The following ANAPC2 variants were observed in gnomAD, a reference collection of about 807,000 sequenced individuals.
The protein encoded by ANAPC2 is anaphase-promoting complex subunit 2.
ANAPC2 carries 29 observed loss-of-function variants against 84.3 expected under a neutral mutation model. That is an observed-to-expected ratio of 0.34 (90% CI 0.26 to 0.47). ANAPC2 has a LOEUF of 0.47. Ranked by LOEUF, ANAPC2 falls within the 20% of genes least tolerant of loss-of-function variation. The probability of loss-of-function intolerance (pLI) is 1.00; values close to 1 mark genes in which losing one functional copy is unlikely to be tolerated. For synonymous variants in ANAPC2, 571 were observed against 479.4 expected, an observed-to-expected ratio of 1.19 and a Z score of -2.50; for missense variants, 857 against 1,131.7, an observed-to-expected ratio of 0.76 and a Z score of 3.48.
At chr9:137,176,352 A>T (rs1044145153) in intron 10 of ANAPC2, 1 of 152,472 alleles carries the variant, frequency 6.6e-6, no homozygotes, top group Non-Finnish European at 1.5e-5. Flanking sequence ...CAGTACTTTC[A>T]TCTTGGACTT....
intron 3 of ANAPC2, among the ~76,000 whole-genome samples, chr9:137,185,995 G>C (rs1204748106): frequency 1.3e-5 from 2 of 152,206 alleles, no homozygotes; most frequent in African/African-American, 4.8e-5. Context: ...ACCGCCTGCA[G>C]CCATGGGATT....
chr9:137,179,374 C>T (rs939129003), intron 10 of ANAPC2, among the ~76,000 whole-genome samples: 5 of 152,028 alleles, frequency 3.3e-5, no homozygotes, highest in African/African-American at 1.2e-4. Flanking sequence ...CCACCTGTGA[C>T]GACCATCCTA....
At chr9:137,175,611 G>A (rs950110288) in intron 11 of ANAPC2, 97 bp downstream of exon 11, 55 of 1,509,194 alleles carry the variant, frequency 3.6e-5, no homozygotes, top group African/African-American at 9.7e-5. Flanking sequence ...GCCTGCTGGC[G>A]CAGCTGCCCC....
At chr9:137,183,004 A>C in intron 6 of ANAPC2, 121 bp downstream of exon 6, 1 of 779,102 alleles carries the variant, frequency 1.3e-6, no homozygotes, top group South Asian at 1.6e-5. Context: ...CACTCAGCCC[A>C]GCCGGGGGAG....
In ANAPC2 at chr9:137,175,246, C is replaced by G; in HGVS notation, c.2247G>C (p.Glu749Asp). Residue 749 changes from glutamate (E) to aspartate (D), a missense_variant, in exon 12 of 13, where the codon GAG (glutamate) becomes GAC (aspartate). Coordinates refer to ENST00000323927, the MANE Select transcript of ANAPC2 (RefSeq NM_013366.4). ...GGGCCTGCACGCGCACCAGCAGCTC[C>G]TCCTCCTTCTGGTCGGCCTGGGAGG... ...GMASQADQKEEELLLFWTYIQ... is the reference protein window; with the variant it reads ...GMASQADQKEDELLLFWTYIQ... 1 of 1,612,230 alleles carries G rather than the reference C, an allele frequency of 6.2e-7. No homozygotes were observed. The highest frequency in any genetic ancestry group is 8.5e-7 in the Non-Finnish European group (1 of 1,179,708).
chr9:137,187,155 CAT>C, intron 2 of ANAPC2: 1 of 329,722 alleles, frequency 3.0e-6, no homozygotes, highest in Non-Finnish European at 5.6e-6. Flanking sequence ...GGGTGAGAAT[CAT>C]TCCTCCCCAG....
In ANAPC2 at chr9:137,187,576, G is replaced by C; in HGVS notation, c.645C>G (p.Leu215=). The change falls in exon 2 of 13, where the codon CTC becomes CTG. Residue 215 remains leucine (L), a synonymous_variant. Transcript: ENST00000323927. ...ACCCTGCACACAGCGGGCTCTGCAGGAGCCGGTAGTACCGGCGACGGGCAT... is the reference window on the plus strand; with the variant it reads ...ACCCTGCACACAGCGGGCTCTGCAGCAGCCGGTAGTACCGGCGACGGGCAT... The part of the protein sequence containing the change: ...SRYARRRYYR[L]LQSPLCAGCS... 1 of 1,613,934 alleles carries C rather than the reference G, an allele frequency of 6.2e-7. No homozygotes were observed.
rs777004376 is a variant in ANAPC2 at position 137,187,442 on chromosome 9, G to A, written c.740+39C>T. The A allele has an allele frequency of 5.7e-6, 9 of 1,568,402 alleles. No individual in the cohort carries two copies. The South Asian group carries it at 6.9e-5, about 12-fold the overall frequency. On this transcript the variant is annotated intron_variant, in intron 2 of 12. Coordinates refer to ENST00000323927, the MANE Select transcript of ANAPC2 (RefSeq NM_013366.4). ...GACCCAGGGGAGCAGCGGGGAACCA[G>A]AAGGAGCAAGGGCATGGCCATCGGG...
At position 137,188,297 on chromosome 9, in the gene ANAPC2, G is replaced by GCAGGA; in HGVS notation, c.117+114_117+118dup. On this transcript the variant is annotated intron_variant, in intron 1 of 12. Coordinates refer to ENST00000323927, the MANE Select transcript of ANAPC2 (RefSeq NM_013366.4). ...CGAAACGGAAAGGTGGTGGAAAATG[G>GCAGGA]CAGGACAGGACAGAGGCGGATGATG... The GCAGGA allele has an allele frequency of 3.8e-6, 5 of 1,311,228 alleles. No individual in the cohort carries two copies. In the South Asian group the frequency reaches 5.6e-5, roughly 15 times the overall value. The allele number at this position is 1,311,228 out of a possible 1,614,324, so 81.2% of individuals were successfully genotyped here. A position where few individuals can be genotyped will look rare whatever the true frequency, so the allele number is the denominator to read the frequency against.
At chr9:137,183,008 G>C in intron 6 of ANAPC2, 117 bp downstream of exon 6, 1 of 797,918 alleles carries the variant, frequency 1.3e-6, no homozygotes, top group Non-Finnish European at 2.1e-6. Flanking sequence ...CAGCCCAGCC[G>C]GGGGAGACCT....
At chr9:137,178,350 G>A (rs913359347) in intron 10 of ANAPC2, among the ~76,000 whole-genome samples, 1 of 152,166 alleles carries the variant, frequency 6.6e-6, no homozygotes, top group Non-Finnish European at 1.5e-5. Flanking sequence ...GCACAGCCCC[G>A]GGGCCTCCCT....
At position 137,175,736 on chromosome 9, in the gene ANAPC2, C is replaced by A; in HGVS notation, c.1992G>T (p.Ala664=). 1.2e-6 allele frequency: 2 copies of A among 1,612,076 alleles called. No homozygotes were observed. The highest frequency in any genetic ancestry group is 1.7e-6 in the Non-Finnish European group (2 of 1,179,618). The change falls in exon 11 of 13, where the codon GCG becomes GCT. Residue 664 remains alanine, a synonymous_variant. Coordinates refer to ENST00000323927, the MANE Select transcript of ANAPC2 (RefSeq NM_013366.4). ...TLSVAVTPVQ[A]VILLYFQDQA... is the part of the protein sequence containing the mutation. Reference sequence around the variant, plus strand: ...GGTCCTGAAAATACAGCAAGATCACCGCCTGTACTGGGGTGACCGCCACAG... The same window carrying A: ...GGTCCTGAAAATACAGCAAGATCACAGCCTGTACTGGGGTGACCGCCACAG...
rs749355329 is a variant in ANAPC2, at chr9:137,184,960, C to A, written c.1001G>T (p.Arg334Leu). The change falls in exon 4 of 13, where the codon CGC (arginine) becomes CTC (leucine). Residue 334 changes from arginine (R) to leucine (L), a missense_variant. Arg to Leu is a moderately radical substitution (Grantham distance 102, BLOSUM62 -2). Transcript: ENST00000323927. Reference sequence around the variant, plus strand: ...CTCGATGCGCAGGCTGGCGTAGATGCGGTAGAAGAACCTTTGCACGTGGCA... The same window carrying A: ...CTCGATGCGCAGGCTGGCGTAGATGAGGTAGAAGAACCTTTGCACGTGGCA... ...WRCHVQRFFY[R>L]IYASLRIEEL... 1 of 1,612,486 alleles carries A rather than the reference C, an allele frequency of 6.2e-7. No individual in the cohort carries two copies. The highest frequency in any genetic ancestry group is 8.5e-7 in the Non-Finnish European group (1 of 1,179,664).
Position 137,181,733 on chromosome 9 carries a change from A to G in ANAPC2, c.1416T>C (p.Asp472=). The part of the protein sequence containing the change: ...ASLETGQDSE[D]DSGEPEDWVP... The stretch of plus-strand genomic sequence containing the variant: ...CCCAGTCCTCTGGCTCGCCTGAGTC[A>G]TCCTCACTGTCCTGGCCTGTCTCCA... Residue 472 remains aspartate (D), a synonymous_variant, in exon 7 of 13, where the codon GAT becomes GAC. Transcript: ENST00000323927. The G allele has an allele frequency of 6.2e-7, 1 of 1,612,320 alleles. No individual in the cohort carries two copies. The highest frequency in any genetic ancestry group is 8.5e-7 in the Non-Finnish European group (1 of 1,179,800).
Position 137,186,364 on chromosome 9 carries a change from A to G in ANAPC2, c.741-8T>C. The G allele has an allele frequency of 6.3e-7, 1 of 1,594,938 alleles. No individual in the cohort carries two copies. ...AGCAGACTGAGCCTGTGTCTAGAGG[A>G]GAGCCCTGGCCATGGGGCACCCAGA... On this transcript the variant is annotated splice_polypyrimidine_tract_variant and splice_region_variant and intron_variant, in intron 2 of 12. Coordinates refer to ENST00000323927, the MANE Select transcript of ANAPC2 (RefSeq NM_013366.4).
chr9:137,187,315 C>T (rs1424790004), intron 2 of ANAPC2, 166 bp downstream of exon 2: 3 of 842,998 alleles, frequency 3.6e-6, no homozygotes, highest in Non-Finnish European at 5.3e-6. Flanking sequence ...AGAAGAGAGA[C>T]ACCTGTGTCC....
chr9:137,181,155 C>T (rs1427079165), intron 7 of ANAPC2, among the ~76,000 whole-genome samples: 1 of 152,220 alleles, frequency 6.6e-6, no homozygotes, highest in Admixed American at 6.5e-5. Context: ...CCGGGACTCC[C>T]ATGCAGGCTT....
At chr9:137,184,798 A>T (rs1016810930) in intron 4 of ANAPC2, 115 bp downstream of exon 4, 309 of 1,345,620 alleles carry the variant, frequency 2.3e-4, no homozygotes, top group Non-Finnish European at 2.6e-4. Context: ...GCAGACACAG[A>T]GCAGACACGG....
chr9:137,184,616 C>T (rs920062305), intron 4 of ANAPC2, among the ~76,000 whole-genome samples: 6 of 139,376 alleles, frequency 4.3e-5, no homozygotes, highest in Admixed American at 7.4e-5. Context: ...GAGCCCCAGA[C>T]GCAGACAGAG....
Sources: gnomAD v4.1 joint callset for allele counts (sites outside exome capture counted in the v4.1 genomes callset) on GRCh38, gnomAD v4.1.1 for gene constraint, MANE v1.5 for transcripts, NCBI Gene and HGNC (gene_info 2026-07-23, HGNC 2026-07-21) for gene names.